Variants in CNTNAP2 observed in about 807,000 individuals in gnomAD.
The protein encoded by CNTNAP2 is contactin associated protein 2, also known as contactin-associated protein-like 2.
CNTNAP2 carries 98 observed loss-of-function variants against 155.2 expected under a neutral mutation model. The ratio of observed to expected loss-of-function variants is 0.63; its 90% CI spans 0.54 to 0.75. The LOEUF (loss-of-function observed/expected upper bound fraction) is 0.75. CNTNAP2 is among the 30% of genes least tolerant of loss of function. The pLI is 0.00. For synonymous variants in CNTNAP2, 651 were observed against 631.2 expected (o/e 1.03, Z -0.47); for missense variants, 1,727 against 1,688.1 (o/e 1.02, Z -0.40).
chr7:147,174,046 T>G (rs1802285623), intron 8 of CNTNAP2, among the ~76,000 whole-genome samples: 1 of 152,108 alleles, frequency 6.6e-6, no homozygotes, highest in African/African-American at 2.4e-5. Flanking sequence ...TATTCCTCCC[T>G]CTGAATCATG....
intron 22 of CNTNAP2, among the ~76,000 whole-genome samples, chr7:148,408,266 A>C (rs1013190782): frequency 6.6e-5 from 10 of 151,914 alleles, no homozygotes; most frequent in Middle Eastern, 3.4e-3. Flanking sequence ...CCCCCGCCCC[A>C]CACACACACA....
intron 1 of CNTNAP2, among the ~76,000 whole-genome samples, chr7:146,760,664 A>G (rs551702791): frequency 6.6e-6 from 1 of 151,876 alleles, no homozygotes; most frequent in African/African-American, 2.4e-5. Flanking sequence ...AGCTCAAGCT[A>G]TCTGCCTGAC....
chr7:147,661,913 G>T (rs1251094758), intron 13 of CNTNAP2, among the ~76,000 whole-genome samples: 1 of 152,032 alleles, frequency 6.6e-6, no homozygotes, highest in Non-Finnish European at 1.5e-5. Context: ...GCCCTACCTA[G>T]TAGAAACTTT....
chr7:147,340,442 A>G (rs1395154356), intron 9 of CNTNAP2, among the ~76,000 whole-genome samples: 1 of 152,060 alleles, frequency 6.6e-6, no homozygotes, highest in Non-Finnish European at 1.5e-5. Context: ...ATTCTGTAGG[A>G]ATACTCTTTA....
At chr7:146,748,276 A>G (rs780451978) in intron 1 of CNTNAP2, among the ~76,000 whole-genome samples, 2 of 150,738 alleles carry the variant, frequency 1.3e-5, no homozygotes, top group Non-Finnish European at 3.0e-5. Context: ...CTCCGGAGTA[A>G]CTGGGACTAC....
intron 10 of CNTNAP2, among the ~76,000 whole-genome samples, chr7:147,484,191 C>T (rs574720167): frequency 2.4e-4 from 36 of 152,260 alleles, no homozygotes; most frequent in Admixed American, 6.5e-4. Flanking sequence ...CTTGATAACA[C>T]TGAGCCCAAA....
intron 1 of CNTNAP2, among the ~76,000 whole-genome samples, chr7:146,493,437 G>A (rs1165238093): frequency 6.6e-6 from 1 of 152,162 alleles, no homozygotes; most frequent in Non-Finnish European, 1.5e-5. Flanking sequence ...AAATTTGATA[G>A]ATTTTGAAAA....
intron 1 of CNTNAP2, among the ~76,000 whole-genome samples, chr7:146,393,360 A>G (rs1019035884): frequency 6.6e-6 from 1 of 152,154 alleles, no homozygotes; most frequent in Admixed American, 6.6e-5. Flanking sequence ...AAATAAATAA[A>G]TCCACCTGGC....
At chr7:147,942,170 G>A (rs1396152330) in intron 14 of CNTNAP2, among the ~76,000 whole-genome samples, 2 of 152,158 alleles carry the variant, frequency 1.3e-5, no homozygotes, top group Admixed American at 1.3e-4. Flanking sequence ...AGAGGTTCAA[G>A]ATCCAATACA....
intron 15 of CNTNAP2, among the ~76,000 whole-genome samples, chr7:148,033,316 A>G (rs913752230): frequency 6.6e-6 from 1 of 151,876 alleles, no homozygotes; most frequent in South Asian, 2.1e-4. Flanking sequence ...CAATCTCCAG[A>G]GACACATTTT....
intron 4 of CNTNAP2, among the ~76,000 whole-genome samples, chr7:147,060,032 A>G (rs1799633409): frequency 6.6e-6 from 1 of 152,202 alleles, no homozygotes; most frequent in African/African-American, 2.4e-5. Flanking sequence ...AACTATCTTC[A>G]TTAGGAACTA....
chr7:146,795,227 G>T (rs971696449), intron 2 of CNTNAP2, among the ~76,000 whole-genome samples: 1 of 152,148 alleles, frequency 6.6e-6, no homozygotes. Context: ...TGAAAATAAA[G>T]ATCAACTATG....
chr7:147,429,171 T>TAC (rs920632371), intron 10 of CNTNAP2, among the ~76,000 whole-genome samples: 22 of 151,852 alleles, frequency 1.4e-4, no homozygotes, highest in African/African-American at 5.1e-4. Context: ...TATATATATA[T>TAC]ACACCACATT....
At chr7:147,205,886 G>C (rs755059648) in intron 8 of CNTNAP2, among the ~76,000 whole-genome samples, 3 of 152,066 alleles carry the variant, frequency 2.0e-5, no homozygotes, top group African/African-American at 7.2e-5. Context: ...GTACCTAAAA[G>C]AGTGGAACTG....
intron 4 of CNTNAP2, among the ~76,000 whole-genome samples, chr7:147,098,688 T>C (rs1339006989): frequency 6.6e-6 from 1 of 152,212 alleles, no homozygotes; most frequent in Non-Finnish European, 1.5e-5. Flanking sequence ...AATAATTTTC[T>C]GTACTGAGTG....
intron 1 of CNTNAP2, among the ~76,000 whole-genome samples, chr7:146,310,206 G>C (rs1029979): frequency 1.3e-5 from 2 of 152,010 alleles, no homozygotes; most frequent in Non-Finnish European, 2.9e-5. Flanking sequence ...TTTGGTACAC[G>C]GTCTGCATAG....
At chr7:146,342,170 G>A (rs925406488) in intron 1 of CNTNAP2, among the ~76,000 whole-genome samples, 1 of 152,120 alleles carries the variant, frequency 6.6e-6, no homozygotes, top group Non-Finnish European at 1.5e-5. Flanking sequence ...TGGAGAATGA[G>A]TGTTCCTGTG....
At chr7:147,957,569 A>T (rs1801039280) in intron 14 of CNTNAP2, among the ~76,000 whole-genome samples, 1 of 152,150 alleles carries the variant, frequency 6.6e-6, no homozygotes, top group Admixed American at 6.6e-5. Flanking sequence ...GGGAAACGAG[A>T]TGCTCAAAGA....
intron 1 of CNTNAP2, among the ~76,000 whole-genome samples, chr7:146,161,489 A>G (rs981178511): frequency 2.6e-5 from 4 of 152,228 alleles, no homozygotes; most frequent in Non-Finnish European, 5.9e-5. Flanking sequence ...AGAACTACAA[A>G]CCACTGCTCA....
Sources: gnomAD v4.1 joint callset for allele counts (sites outside exome capture counted in the v4.1 genomes callset) on GRCh38, gnomAD v4.1.1 for gene constraint, MANE v1.5 for transcripts, NCBI Gene and HGNC (gene_info 2026-07-23, HGNC 2026-07-21) for gene names.